The following CCSER1 variants were observed in gnomAD, a reference collection of about 807,000 sequenced individuals.
The protein encoded by CCSER1 is serine-rich coiled-coil domain-containing protein 1.
CCSER1 carries 41 observed loss-of-function variants against 82.0 expected under a neutral mutation model. That is an observed-to-expected ratio of 0.50 (90% CI 0.39 to 0.65). The LOEUF (loss-of-function observed/expected upper bound fraction) is 0.65. CCSER1 is among the 30% of genes least tolerant of loss of function. CCSER1 has a pLI of 0.00. For synonymous variants in CCSER1, 414 were observed against 383.9 expected (o/e 1.08, Z -0.92); for missense variants, 1,119 against 1,064.2 (o/e 1.05, Z -0.72).
At chr4:90,388,666 A>G (rs1281673980) in intron 3 of CCSER1, among the ~76,000 whole-genome samples, 1 of 143,944 alleles carries the variant, frequency 6.9e-6, no homozygotes, top group Non-Finnish European at 1.5e-5. Context: ...ACGAAGTCTC[A>G]TTCTTGTCAC....
chr4:90,477,954 G>A (rs1765332039), intron 5 of CCSER1, among the ~76,000 whole-genome samples: 1 of 152,020 alleles, frequency 6.6e-6, no homozygotes, highest in Non-Finnish European at 1.5e-5. Flanking sequence ...AATTAAAACA[G>A]CAATTTTGTC....
chr4:90,817,286 T>G (rs1759148264), intron 8 of CCSER1, among the ~76,000 whole-genome samples: 1 of 151,954 alleles, frequency 6.6e-6, no homozygotes, highest in Non-Finnish European at 1.5e-5. Context: ...TGTCAGAGAG[T>G]GCTTATTTTG....
intron 5 of CCSER1, among the ~76,000 whole-genome samples, chr4:90,512,671 C>G (rs1257069465): frequency 1.3e-5 from 2 of 152,032 alleles, no homozygotes; most frequent in African/African-American, 2.4e-5. Context: ...GTGATATATT[C>G]CAATAAAATG....
chr4:91,092,620 G>T (rs1724079056), intron 10 of CCSER1, among the ~76,000 whole-genome samples: 1 of 152,184 alleles, frequency 6.6e-6, no homozygotes, highest in Admixed American at 6.5e-5. Flanking sequence ...AGTGACTCCT[G>T]GCCTAAATGG....
At chr4:90,959,409 C>T (rs756766902) in intron 9 of CCSER1, among the ~76,000 whole-genome samples, 2 of 152,138 alleles carry the variant, frequency 1.3e-5, no homozygotes, top group Non-Finnish European at 2.9e-5. Context: ...AAAATAGCTG[C>T]CCAGTAAATT....
intron 8 of CCSER1, among the ~76,000 whole-genome samples, chr4:90,871,190 CT>C (rs1432385461): frequency 1.4e-4 from 21 of 151,156 alleles, no homozygotes; most frequent in Non-Finnish European, 1.5e-5. Flanking sequence ...TATTTCTGCT[CT>C]GTTCTTTATT....
At chr4:90,317,259 G>C (rs561118995) in intron 3 of CCSER1, among the ~76,000 whole-genome samples, 166 of 152,234 alleles carry the variant, frequency 1.1e-3, no homozygotes, top group Middle Eastern at 3.4e-3. Context: ...AGAAGACCTG[G>C]TACCGTTAAA....
intron 10 of CCSER1, among the ~76,000 whole-genome samples, chr4:91,503,331 T>G (rs1759314927): frequency 6.8e-6 from 1 of 146,546 alleles, no homozygotes; most frequent in Non-Finnish European, 1.5e-5. Flanking sequence ...GAAAGAGCGA[T>G]ACTCCATCTC....
intron 8 of CCSER1, among the ~76,000 whole-genome samples, chr4:90,860,298 A>G (rs1380647467): frequency 2.0e-5 from 3 of 151,798 alleles, no homozygotes; most frequent in East Asian, 1.9e-4. Context: ...CCAAACCACA[A>G]TGAGATACCA....
intron 3 of CCSER1, among the ~76,000 whole-genome samples, chr4:90,355,663 A>G (rs551773453): frequency 2.0e-5 from 3 of 152,120 alleles, no homozygotes; most frequent in Middle Eastern, 3.4e-3. Flanking sequence ...TGCCATAGAC[A>G]GTAGAGAATA....
chr4:91,473,797 G>T (rs1757415815), intron 10 of CCSER1, among the ~76,000 whole-genome samples: 1 of 151,962 alleles, frequency 6.6e-6, no homozygotes, highest in African/African-American at 2.4e-5. Context: ...CATTTGCCTG[G>T]TTTTATTTCA....
At chr4:90,948,412 A>G (rs866976696) in intron 9 of CCSER1, among the ~76,000 whole-genome samples, 55 of 151,968 alleles carry the variant, frequency 3.6e-4, no homozygotes, top group Middle Eastern at 7.0e-3. Flanking sequence ...CATTAATCAG[A>G]GTTTTAGAGA....
At chr4:90,148,170 G>GATA (rs1171428378) in intron 1 of CCSER1, among the ~76,000 whole-genome samples, 1 of 151,916 alleles carries the variant, frequency 6.6e-6, no homozygotes, top group African/African-American at 2.4e-5. Flanking sequence ...GTCTCAAAAT[G>GATA]ATAATAATAA....
chr4:90,667,584 C>T (rs544509932), intron 6 of CCSER1, among the ~76,000 whole-genome samples: 1 of 152,088 alleles, frequency 6.6e-6, no homozygotes, highest in East Asian at 1.9e-4. Context: ...CGAGTGAGAG[C>T]ATGAAGTGTT....
At chr4:91,026,533 T>G (rs2150543326) in intron 9 of CCSER1, among the ~76,000 whole-genome samples, 1 of 152,262 alleles carries the variant, frequency 6.6e-6, no homozygotes, top group East Asian at 1.9e-4. Context: ...TCCATCATTA[T>G]ACCAAACTAC....
intron 10 of CCSER1, among the ~76,000 whole-genome samples, chr4:91,582,346 A>G (rs551929366): frequency 6.6e-6 from 1 of 151,666 alleles, no homozygotes; most frequent in South Asian, 2.1e-4. Flanking sequence ...TATATAAAAC[A>G]ATTTCTGAAG....
At chr4:90,210,733 C>T (rs1489133060) in intron 1 of CCSER1, among the ~76,000 whole-genome samples, 1 of 152,164 alleles carries the variant, frequency 6.6e-6, no homozygotes, top group African/African-American at 2.4e-5. Flanking sequence ...GCATGAACTA[C>T]CGTGCCTGGC....
At chr4:90,797,512 T>G (rs1237614162) in intron 7 of CCSER1, among the ~76,000 whole-genome samples, 5 of 152,172 alleles carry the variant, frequency 3.3e-5, no homozygotes, top group Non-Finnish European at 7.4e-5. Flanking sequence ...TGGATTTGAT[T>G]CTGTTATGAT....
At chr4:91,009,629 C>T (rs761973736) in intron 9 of CCSER1, among the ~76,000 whole-genome samples, 2 of 152,030 alleles carry the variant, frequency 1.3e-5, no homozygotes, top group Non-Finnish European at 2.9e-5. Flanking sequence ...TTATGTAGTG[C>T]TAAGCTTTGA....
Sources: allele counts gnomAD v4.1 joint callset (sites outside exome capture counted in the v4.1 genomes callset), GRCh38; gene constraint gnomAD v4.1.1; transcripts MANE v1.5; gene names NCBI Gene and HGNC (gene_info 2026-07-23, HGNC 2026-07-21).